PCDHA6: variants seen among roughly 807,000 people sequenced by gnomAD.
PCDHA6 encodes protocadherin alpha-6.
PCDHA6 carries 55 observed loss-of-function variants against 60.3 expected under a neutral mutation model. That is an observed-to-expected ratio of 0.91 (90% CI 0.73 to 1.14). The LOEUF (loss-of-function observed/expected upper bound fraction) is 1.14. Among genes scored for constraint, PCDHA6 ranks in the 50% most tolerant of loss-of-function variants. The probability of loss-of-function intolerance (pLI) is 0.00; values close to 1 mark genes in which losing one functional copy is unlikely to be tolerated. For missense variants in PCDHA6, 1,327 were observed against 1,256.5 expected (o/e 1.06, Z -0.85); for synonymous variants, 652 against 557.9 (o/e 1.17, Z -2.38).
At chr5:141,007,395 C>CAAAAAAAAAAA (rs35800918) in intron 3 of PCDHA6, among the ~76,000 whole-genome samples, 6 of 94,856 alleles carry the variant, frequency 6.3e-5, no homozygotes, top group South Asian at 3.5e-4. Flanking sequence ...TACTAAAATA[C>CAAAAAAAAAAA]AAAAAAAAAA....
Position 140,829,826 on chromosome 5 carries a change from G to A in PCDHA6, c.1735G>A (p.Glu579Lys), listed in dbSNP as rs2150175496. The change falls in exon 1 of 4, where the codon GAG (glutamate) becomes AAG (lysine). Residue 579 changes from glutamate (E) to lysine (K), a missense_variant. Coordinates refer to ENST00000529310, the MANE Select transcript of PCDHA6 (RefSeq NM_018909.4). The stretch of plus-strand genomic sequence containing the variant: ...GGGTGGTACTGGTGGTGCAGTGAGC[G>A]AGCTGGTGCCGCGGTCACTGGGTGC... The part of the protein sequence containing the change: ...RVGGTGGAVS[E>K]LVPRSLGAGQ... 2 of 1,613,796 alleles carry A rather than the reference G, an allele frequency of 1.2e-6. No individual in the cohort carries two copies. Among genetic ancestry groups the A allele is most frequent in the South Asian group, 1.1e-5 (1 of 91,076 alleles).
At chr5:140,882,950 C>G (rs1197710877) in intron 1 of PCDHA6, 1 of 1,614,098 alleles carries the variant, frequency 6.2e-7, no homozygotes, top group Non-Finnish European at 8.5e-7. Context: ...CACAGTTCAG[C>G]TGCTCATCAC....
At chr5:140,944,060 T>G in intron 1 of PCDHA6, among the ~76,000 whole-genome samples, 1 of 152,204 alleles carries the variant, frequency 6.6e-6, no homozygotes, top group Non-Finnish European at 1.5e-5. Flanking sequence ...ACAAAAAGGT[T>G]TCTTGTTAAA....
rs1221925609 is a variant in PCDHA6, at chr5:140,850,980, T to C, written c.2394+20495T>C. The C allele has an allele frequency of 2.1e-6, 3 of 1,453,332 alleles. 1 individual carries two copies. The highest frequency in any genetic ancestry group is 1.4e-5 in the African/African-American group (1 of 69,706). 90.0% of individuals were successfully genotyped at this position (1,453,332 alleles called of 1,614,324 possible). A position where few individuals can be genotyped will look rare whatever the true frequency, so the allele number is the denominator to read the frequency against. On this transcript the variant is annotated intron_variant, in intron 1 of 3. Coordinates refer to ENST00000529310, the MANE Select transcript of PCDHA6 (RefSeq NM_018909.4). ...CCCAGGGGCCGTTCAAATAGTTTTATTCATTTTTCTAGAAATCCAGCAGAT... is the reference window on the plus strand; with the variant it reads ...CCCAGGGGCCGTTCAAATAGTTTTACTCATTTTTCTAGAAATCCAGCAGAT...
intron 1 of PCDHA6, among the ~76,000 whole-genome samples, chr5:140,891,988 A>T (rs1213568167): frequency 6.6e-6 from 1 of 152,216 alleles, no homozygotes. Flanking sequence ...TAAATTACTC[A>T]GTCTGTGGCA....
Position 140,913,960 on chromosome 5 carries a change from T to TA in PCDHA6, c.2395-64982dup, listed in dbSNP as rs201352444. 7.9e-3 allele frequency among the ~76,000 whole-genome samples: 1,207 copies of TA among 152,282 alleles called. 5 individuals are homozygous for TA. Among genetic ancestry groups the TA allele is most frequent in the African/African-American group, 0.019 (780 of 41,560 alleles). ...AAGAATCTTGATATGATATCATTTT[T>TA]AAAAAAATATTTTAGGACTTGTATT... On this transcript the variant is annotated intron_variant, in intron 1 of 3. Transcript: ENST00000529310.
At chr5:141,005,220 C>T (rs2098201724) in intron 3 of PCDHA6, among the ~76,000 whole-genome samples, 1 of 152,192 alleles carries the variant, frequency 6.6e-6, no homozygotes, top group Admixed American at 6.5e-5. Flanking sequence ...CAAGTATTTA[C>T]TAAACACCTG....
chr5:140,835,130 G>A, intron 1 of PCDHA6: 1 of 1,362,542 alleles, frequency 7.3e-7, no homozygotes, highest in Non-Finnish European at 1.0e-6. Flanking sequence ...TGTATACGGT[G>A]AAATTACCAG....
intron 1 of PCDHA6, among the ~76,000 whole-genome samples, chr5:140,855,367 A>C (rs1244767077): frequency 6.7e-6 from 1 of 150,034 alleles, no homozygotes; most frequent in African/African-American, 2.4e-5. Flanking sequence ...AGTGAGTAGG[A>C]TAATAGGAAT....
In PCDHA6 at chr5:140,853,448, G is replaced by A; in HGVS notation, c.2394+22963G>A. ...AGACACTTTCCTATTTTGCCTAATA[G>A]GTCTCCTTATATGCATCTGTAGTTA... On this transcript the variant is annotated intron_variant, in intron 1 of 3. Transcript: ENST00000529310. 2.0e-6 allele frequency: 2 copies of A among 980,734 alleles called. 1 individual carries two copies. Among genetic ancestry groups the A allele is most frequent in the South Asian group, 9.5e-5 (2 of 21,032 alleles). 60.8% of individuals were successfully genotyped at this position (980,734 alleles called of 1,614,324 possible).
chr5:140,891,468 T>C (rs1459925727), intron 1 of PCDHA6, among the ~76,000 whole-genome samples: 1 of 151,582 alleles, frequency 6.6e-6, no homozygotes, highest in Non-Finnish European at 1.5e-5. Context: ...TGTGAATTAA[T>C]GCCTTTACAT....
In PCDHA6 at chr5:140,842,940, C is replaced by G. The variant is rs2150348293; in HGVS notation, c.2394+12455C>G. On this transcript the variant is annotated intron_variant, in intron 1 of 3. Transcript: ENST00000529310. ...CAGTTCCAGGTGAGCGCGCGCGACG[C>G]GGGCGTGCCGCCTCTGGGCAGCAAC... The G allele has an allele frequency of 3.8e-6, 6 of 1,594,510 alleles. 1 individual carries two copies. Among genetic ancestry groups the G allele is most frequent in the Admixed American group, 3.4e-5 (2 of 59,306 alleles).
chr5:140,842,210 C>G (rs782194934), intron 1 of PCDHA6: 1 of 1,613,418 alleles, frequency 6.2e-7, no homozygotes. Flanking sequence ...TAGCATAGAT[C>G]GAAATACGGG....
chr5:140,869,396 A>C (rs782754440), intron 1 of PCDHA6: 18 of 1,614,242 alleles, frequency 1.1e-5, no homozygotes, highest in East Asian at 2.2e-5. Flanking sequence ...CTGTGCGGGC[A>C]GAGCGCGGAG....
intron 1 of PCDHA6, among the ~76,000 whole-genome samples, chr5:140,947,064 A>G (rs1554218040): frequency 6.6e-6 from 1 of 151,738 alleles, no homozygotes; most frequent in African/African-American, 2.4e-5. Flanking sequence ...TACACAGTGT[A>G]TATATGTATT....
At chr5:140,968,990 T>C in intron 1 of PCDHA6, 1 of 1,614,254 alleles carries the variant, frequency 6.2e-7, no homozygotes, top group Non-Finnish European at 8.5e-7. Flanking sequence ...CACTGCATGC[T>C]GTGGAGGCTT....
At chr5:140,906,693 G>T (rs887867103) in intron 1 of PCDHA6, among the ~76,000 whole-genome samples, 3 of 152,082 alleles carry the variant, frequency 2.0e-5, no homozygotes, top group African/African-American at 7.2e-5. Flanking sequence ...GAAGGATCTG[G>T]GCCATTTGTA....
chr5:140,960,792 C>T (rs2095571018), intron 1 of PCDHA6, among the ~76,000 whole-genome samples: 1 of 151,986 alleles, frequency 6.6e-6, no homozygotes, highest in South Asian at 2.1e-4. Context: ...AACAAGGTTT[C>T]TATTAAAATA....
intron 1 of PCDHA6, among the ~76,000 whole-genome samples, chr5:140,946,255 A>C (rs1554217419): frequency 6.6e-6 from 1 of 152,084 alleles, no homozygotes; most frequent in Non-Finnish European, 1.5e-5. Context: ...GAATCATCAG[A>C]AAAATGCGAA....
Sources: gnomAD v4.1 joint callset for allele counts (sites outside exome capture counted in the v4.1 genomes callset) on GRCh38, gnomAD v4.1.1 for gene constraint, MANE v1.5 for transcripts, NCBI Gene and HGNC (gene_info 2026-07-23, HGNC 2026-07-21) for gene names.